The following KIRREL3 variants were observed in gnomAD, a reference collection of about 807,000 sequenced individuals.
The protein encoded by KIRREL3 is kin of IRRE-like protein 3.
A neutral mutation model predicts 89.7 loss-of-function variants in KIRREL3; 36 were observed. That is an observed-to-expected ratio of 0.40 (90% CI 0.31 to 0.53). The LOEUF (loss-of-function observed/expected upper bound fraction) is 0.53, where lower values mean the gene tolerates loss of function less well. Ranked by LOEUF, KIRREL3 falls within the 20% of genes least tolerant of loss-of-function variation. The pLI is 0.49. For synonymous variants in KIRREL3, 445 were observed against 441.4 expected (o/e 1.01, Z -0.10); for missense variants, 864 against 1,056.6 (o/e 0.82, Z 2.53).
chr11:126,673,360 G>T (rs192543951), intron 1 of KIRREL3, among the ~76,000 whole-genome samples: 4 of 152,198 alleles, frequency 2.6e-5, no homozygotes, highest in African/African-American at 9.7e-5. Flanking sequence ...GCTCAGGCAG[G>T]TGGCACCAAG....
chr11:126,486,905 C>G lies in KIRREL3; in HGVS notation c.434-13439G>C, dbSNP rs891780532. Among the ~76,000 whole-genome samples the G allele has an allele frequency of 4.6e-5, 7 of 152,108 alleles. No homozygotes were observed. The highest frequency in any genetic ancestry group is 1.7e-4 in the African/African-American group (7 of 41,422). On this transcript the variant is annotated intron_variant, in intron 4 of 16. Transcript: ENST00000525144. This position sits in a 1 kb window ranked among gnomAD's most constrained non-coding sequence, Gnocchi z 6.2. ...GGGACTTGGAGTGTCCCCGCTGGTC[C>G]CATAAATAGAAGCAGAACTGATATA... is the stretch of plus-strand genomic sequence containing the variant.
intron 1 of KIRREL3, among the ~76,000 whole-genome samples, chr11:126,584,660 T>G (rs1941729996): frequency 6.6e-6 from 1 of 152,142 alleles, no homozygotes; most frequent in Non-Finnish European, 1.5e-5. Context: ...CACTACCAGC[T>G]TCTCTCTGGT....
intron 1 of KIRREL3, among the ~76,000 whole-genome samples, chr11:126,593,358 C>A (rs520373): frequency 0.34 from 52,284 of 152,108 alleles, 9,289 homozygotes; most frequent in East Asian, 0.57. Context: ...GCCACCAGCT[C>A]TCTCTGGCTG....
At chr11:126,542,632 TC>T (rs1453004664) in intron 2 of KIRREL3, among the ~76,000 whole-genome samples, 1 of 152,160 alleles carries the variant, frequency 6.6e-6, no homozygotes, top group Non-Finnish European at 1.5e-5. Context: ...CACCCCACCT[TC>T]CCCATCTCCT....
In KIRREL3 at chr11:126,768,166, ATCCAATCCATCCATCCATCCATCC is replaced by A. The variant is rs1949898295; in HGVS notation, c.56-205278_56-205255del. On this transcript the variant is annotated intron_variant, in intron 1 of 16. Transcript: ENST00000525144. The surrounding 1 kb of genome is among the most constrained non-coding windows in gnomAD (Gnocchi z 4.5). ...CATCCATCCATCCATCCATCCATCCATCCAATCCATCCATCCATCCATCCATCCATCCATCCATCCATCCATCCA... is the reference window on the plus strand; with the variant it reads ...CATCCATCCATCCATCCATCCATCCAATCCATCCATCCATCCATCCATCCA... 1.6e-5 allele frequency among the ~76,000 whole-genome samples: 2 copies of A among 128,210 alleles called. No homozygotes were observed. Among genetic ancestry groups the A allele is most frequent in the South Asian group, 2.8e-4 (1 of 3,548 alleles). 84.1% of individuals were successfully genotyped at this position (128,210 alleles called of 152,430 possible).
chr11:126,731,790 G>A (rs1470056680), intron 1 of KIRREL3, among the ~76,000 whole-genome samples: 1 of 152,280 alleles, frequency 6.6e-6, no homozygotes, highest in Non-Finnish European at 1.5e-5. Context: ...GGTGGCTGCT[G>A]CCTCCGTAAG....
intron 1 of KIRREL3, among the ~76,000 whole-genome samples, chr11:126,593,475 G>A (rs1565578274): frequency 6.6e-6 from 1 of 152,130 alleles, no homozygotes; most frequent in Non-Finnish European, 1.5e-5. Context: ...GATGCAGTAG[G>A]CAGGCCAGTA....
intron 1 of KIRREL3, among the ~76,000 whole-genome samples, chr11:126,616,091 G>A (rs1398066091): frequency 6.6e-6 from 1 of 152,196 alleles, no homozygotes; most frequent in Non-Finnish European, 1.5e-5. Context: ...GGCAGAGGGT[G>A]GAAGCAGCTG....
At chr11:126,730,108 G>A (rs114804689) in intron 1 of KIRREL3, among the ~76,000 whole-genome samples, 1,835 of 152,200 alleles carry the variant, frequency 0.012, 40 homozygotes, top group African/African-American at 0.041. Flanking sequence ...ATCCCCAGCC[G>A]TCTTCTCATT....
At chr11:126,838,525 G>A (rs1592202810) in intron 1 of KIRREL3, among the ~76,000 whole-genome samples, 1 of 152,330 alleles carries the variant, frequency 6.6e-6, no homozygotes, top group Non-Finnish European at 1.5e-5. Flanking sequence ...TAGTTAATGG[G>A]TAAGAGGGGA....
rs1020557661 is a variant in KIRREL3 at position 126,744,196 on chromosome 11, C to T, written c.56-181284G>A. ...TGGCTGAAGGGCCTTGGGTGCCAGT[C>T]AAGGGACAAAATGGACATTGGTTTG... On this transcript the variant is annotated intron_variant, in intron 1 of 16. Coordinates refer to ENST00000525144, the MANE Select transcript of KIRREL3 (RefSeq NM_032531.4). The surrounding 1 kb of genome is among the most constrained non-coding windows in gnomAD (Gnocchi z 4.7). Among the ~76,000 whole-genome samples the T allele has an allele frequency of 4.6e-5, 7 of 151,392 alleles. No homozygotes were observed. Among genetic ancestry groups the T allele is most frequent in the African/African-American group, 1.7e-4 (7 of 41,248 alleles).
At chr11:126,803,485 A>G (rs956117940) in intron 1 of KIRREL3, among the ~76,000 whole-genome samples, 2 of 152,216 alleles carry the variant, frequency 1.3e-5, no homozygotes, top group East Asian at 3.8e-4. Context: ...TCTCAATCAT[A>G]TATATGTATT....
In KIRREL3 at chr11:126,719,369, C is replaced by T. The variant is rs776927677; in HGVS notation, c.56-156457G>A. Among the ~76,000 whole-genome samples, 1 of 152,186 alleles carries T rather than the reference C, an allele frequency of 6.6e-6. No individual in the cohort carries two copies. The highest frequency in any genetic ancestry group is 1.5e-5 in the Non-Finnish European group (1 of 68,032). On this transcript the variant is annotated intron_variant, in intron 1 of 16. Transcript: ENST00000525144. This position sits in a 1 kb window ranked among gnomAD's most constrained non-coding sequence, Gnocchi z 4.7. ...ACGGGTCTACTCTTACTCACAGCTA[C>T]TCCTTCTCCATCTCCTTTGCTAGTT...
chr11:126,962,466 C>A (rs1369632563), intron 1 of KIRREL3, among the ~76,000 whole-genome samples: 1 of 152,154 alleles, frequency 6.6e-6, no homozygotes, highest in Non-Finnish European at 1.5e-5. Context: ...GAAGATATGA[C>A]CGAATTGCTG....
intron 1 of KIRREL3, among the ~76,000 whole-genome samples, chr11:126,825,914 G>T (rs909811771): frequency 1.3e-5 from 2 of 152,312 alleles, no homozygotes; most frequent in Admixed American, 1.3e-4. Context: ...GGGGGATTCT[G>T]CAACCCTCTT....
At chr11:126,847,715 G>A (rs999220231) in intron 1 of KIRREL3, among the ~76,000 whole-genome samples, 5 of 152,080 alleles carry the variant, frequency 3.3e-5, no homozygotes, top group Non-Finnish European at 5.9e-5. Context: ...TTGTTTTTCA[G>A]AGTTAAGAAA....
At chr11:126,992,362 A>G (rs1278295520) in intron 1 of KIRREL3, 3 of 152,178 alleles carry the variant, frequency 2.0e-5, no homozygotes, top group Non-Finnish European at 4.4e-5. Context: ...ACTCTCAGCA[A>G]TGAGAGACTG....
At chr11:126,956,523 G>T (rs1431647649) in intron 1 of KIRREL3, among the ~76,000 whole-genome samples, 1 of 152,164 alleles carries the variant, frequency 6.6e-6, no homozygotes, top group Non-Finnish European at 1.5e-5. Context: ...AATGACTGGA[G>T]AGGAAGTTTT....
intron 1 of KIRREL3, among the ~76,000 whole-genome samples, chr11:126,859,055 A>G (rs1208477187): frequency 6.6e-6 from 1 of 152,200 alleles, no homozygotes; most frequent in Non-Finnish European, 1.5e-5. Flanking sequence ...GCTGAGGCAC[A>G]AACACTCTCT....
Sources: gnomAD v4.1 joint callset for allele counts (sites outside exome capture counted in the v4.1 genomes callset) on GRCh38, gnomAD v4.1.1 for gene constraint, Gnocchi (gnomAD v3.1) non-coding constraint, MANE v1.5 for transcripts, NCBI Gene and HGNC (gene_info 2026-07-23, HGNC 2026-07-21) for gene names.